Variants in ROBO2 observed in about 807,000 individuals in gnomAD.
ROBO2 encodes roundabout homolog 2.
In ROBO2, 53 loss-of-function variants were observed where a neutral mutation model predicts 160.8. The ratio of observed to expected loss-of-function variants is 0.33; its 90% CI spans 0.26 to 0.41. ROBO2 has a LOEUF of 0.41. ROBO2 is among the 10% of genes least tolerant of loss of function. ROBO2 has a pLI of 1.00. For missense variants in ROBO2, 1,577 were observed against 1,722.4 expected (o/e 0.92, Z 1.49); for synonymous variants, 664 against 611.7 (o/e 1.09, Z -1.26).
chr3:77,170,376 C>T (rs2079522089), intron 2 of ROBO2, among the ~76,000 whole-genome samples: 1 of 149,878 alleles, frequency 6.7e-6, no homozygotes, highest in South Asian at 2.1e-4. Flanking sequence ...TATTTATAAT[C>T]AACAATAGAA....
rs1003343691 is a variant in ROBO2, at chr3:77,182,083, A to G, written c.388+83743A>G. Reference sequence around the variant, plus strand: ...TTGTATACAGTTGTTTCATGCATAGAGCTTCATTTTATTTCTTTGCAAAGA... The same window carrying G: ...TTGTATACAGTTGTTTCATGCATAGGGCTTCATTTTATTTCTTTGCAAAGA... On this transcript the variant is annotated intron_variant, in intron 2 of 25. Coordinates refer to ENST00000461745, the Ensembl canonical transcript of ROBO2. Among the ~76,000 whole-genome samples the G allele has an allele frequency of 1.2e-4, 18 of 152,182 alleles. 1 individual carries two copies. The highest frequency in any genetic ancestry group is 7.7e-4 in the East Asian group (4 of 5,170).
At chr3:77,044,586 C>A (rs1466826812) in intron 1 of ROBO2, among the ~76,000 whole-genome samples, 1 of 151,754 alleles carries the variant, frequency 6.6e-6, no homozygotes, top group Non-Finnish European at 1.5e-5. Flanking sequence ...ATTAGAGAAA[C>A]ACTTGAAGAG....
chr3:77,578,618 G>A (rs1362734044), intron 15 of ROBO2, among the ~76,000 whole-genome samples: 4 of 151,956 alleles, frequency 2.6e-5, no homozygotes, highest in South Asian at 2.1e-4. Flanking sequence ...AAATGTATAA[G>A]GCTTTATTTT....
chr3:76,840,284 TA>T (rs2068096769), intron 2 of ROBO2, among the ~76,000 whole-genome samples: 1 of 152,156 alleles, frequency 6.6e-6, no homozygotes, highest in Non-Finnish European at 1.5e-5. Context: ...AAGGGGCTGA[TA>T]TTTTATTCTA....
At chr3:77,369,175 C>T (rs959134901) in intron 2 of ROBO2, among the ~76,000 whole-genome samples, 2 of 152,064 alleles carry the variant, frequency 1.3e-5, no homozygotes, top group African/African-American at 2.4e-5. Flanking sequence ...GTGAAGTGCC[C>T]GGGGTGTGCT....
intron 2 of ROBO2, among the ~76,000 whole-genome samples, chr3:77,115,119 ACAC>A (rs1271965831): frequency 2.0e-5 from 3 of 152,282 alleles, no homozygotes; most frequent in Admixed American, 1.3e-4. Flanking sequence ...ACAGAAATAA[ACAC>A]CACTTCTTCC....
At chr3:77,514,387 T>A (rs2089766357) in intron 5 of ROBO2, among the ~76,000 whole-genome samples, 1 of 151,934 alleles carries the variant, frequency 6.6e-6, no homozygotes, top group African/African-American at 2.4e-5. Flanking sequence ...ATAAAGTTAG[T>A]TTCTGGAGGT....
At chr3:77,557,893 C>A in intron 8 of ROBO2, 51 bp from the exon 10 acceptor site, 1 of 1,413,056 alleles carries the variant, frequency 7.1e-7, no homozygotes, top group Non-Finnish European at 9.9e-7. Context: ...TATATCAAGC[C>A]TACTGAACTA....
chr3:75,941,443 C>G lies in ROBO2; in HGVS notation c.109+3841C>G, dbSNP rs375605575. 3.4e-4 allele frequency among the ~76,000 whole-genome samples: 51 copies of G among 152,234 alleles called. No individual in the cohort carries two copies. The East Asian group carries it at 8.7e-3, about 26-fold the overall frequency. On this transcript the variant is annotated intron_variant, in intron 2 of 26. Transcript: ENST00000487694. ...ATAATTTTAGAGTTTTTGTAACTAA[C>G]TTAGGGTTTAAATGTAGCAAAAATT...
At chr3:76,148,701 A>T (rs11128504) in intron 2 of ROBO2, among the ~76,000 whole-genome samples, 2 of 152,076 alleles carry the variant, frequency 1.3e-5, no homozygotes, top group East Asian at 3.9e-4. Flanking sequence ...TTAGGAATCA[A>T]TTCTTCCCTT....
chr3:77,317,327 G>T, intron 2 of ROBO2: 1 of 774,782 alleles, frequency 1.3e-6, no homozygotes, highest in East Asian at 2.5e-5. Context: ...TCAGCCTCAG[G>T]CCACGTGCAA....
At chr3:76,426,793 C>A (rs2076239875) in intron 2 of ROBO2, among the ~76,000 whole-genome samples, 1 of 152,034 alleles carries the variant, frequency 6.6e-6, no homozygotes, top group African/African-American at 2.4e-5. Flanking sequence ...TACAGAATCT[C>A]TGAAGGAAAT....
intron 2 of ROBO2, among the ~76,000 whole-genome samples, chr3:77,273,186 C>T (rs536388962): frequency 6.6e-6 from 1 of 151,952 alleles, no homozygotes; most frequent in African/African-American, 2.4e-5. Flanking sequence ...TATTTACTTT[C>T]CACGTATAAG....
chr3:77,097,925 G>A, intron 1 of ROBO2, 89 bp from the exon 2 acceptor site: 1 of 1,155,212 alleles, frequency 8.7e-7, no homozygotes, highest in South Asian at 1.8e-5. Context: ...TAATCGAAGA[G>A]TTTAATTTCC....
chr3:76,691,385 T>C (rs1187305661), intron 2 of ROBO2, among the ~76,000 whole-genome samples: 1 of 151,920 alleles, frequency 6.6e-6, no homozygotes, highest in Non-Finnish European at 1.5e-5. Context: ...CTATCTTGAG[T>C]AAGACAGTGT....
intron 2 of ROBO2, among the ~76,000 whole-genome samples, chr3:76,979,698 A>C (rs796269482): frequency 3.3e-5 from 5 of 151,412 alleles, no homozygotes; most frequent in African/African-American, 1.2e-4. Context: ...AATGAATGAT[A>C]GTTAATTTTG....
chr3:76,100,607 T>TCTA (rs2069644407), intron 2 of ROBO2, among the ~76,000 whole-genome samples: 1 of 152,154 alleles, frequency 6.6e-6, no homozygotes, highest in Non-Finnish European at 1.5e-5. Flanking sequence ...TTGGGGGATA[T>TCTA]TAAGGAAAAT....
intron 6 of ROBO2, among the ~76,000 whole-genome samples, chr3:77,531,701 C>T (rs1186437865): frequency 6.6e-6 from 1 of 152,086 alleles, no homozygotes; most frequent in East Asian, 1.9e-4. Flanking sequence ...ATTGGAAAAT[C>T]ACAGTTTTTT....
intron 2 of ROBO2, among the ~76,000 whole-genome samples, chr3:75,979,190 T>C (rs2065211524): frequency 1.3e-5 from 2 of 151,558 alleles, no homozygotes; most frequent in African/African-American, 4.8e-5. Context: ...TAAAAAGTTA[T>C]GGCAGTGATA....
Sources: allele counts gnomAD v4.1 joint callset (sites outside exome capture counted in the v4.1 genomes callset), GRCh38; gene constraint gnomAD v4.1.1; transcripts MANE v1.5; gene names NCBI Gene and HGNC (gene_info 2026-07-23, HGNC 2026-07-21).